The following FOXO1 variants were observed in gnomAD, a reference collection of about 807,000 sequenced individuals.
FOXO1 encodes the protein forkhead box protein O1.
In FOXO1, 6 loss-of-function variants were observed where a neutral mutation model predicts 44.1. The ratio of observed to expected loss-of-function variants is 0.14; its 90% CI spans 0.07 to 0.27. The LOEUF is 0.27. Among genes scored for constraint, FOXO1 ranks in the 10% least tolerant of loss-of-function variants. The probability of loss-of-function intolerance (pLI) is 1.00; values close to 1 mark genes in which losing one functional copy is unlikely to be tolerated. For synonymous variants in FOXO1, 380 were observed against 362.7 expected, an observed-to-expected ratio of 1.05 and a Z score of -0.54; for missense variants, 737 against 888.8, an observed-to-expected ratio of 0.83 and a Z score of 2.17.
At chr13:40,656,715 AAAC>A (rs1227513446) in intron 1 of FOXO1, among the ~76,000 whole-genome samples, 1 of 152,240 alleles carries the variant, frequency 6.6e-6, no homozygotes, top group African/African-American at 2.4e-5. Flanking sequence ...TATTTGGCAA[AAAC>A]AAAGATATCA....
At chr13:40,598,691 C>T (rs1246588490) in intron 1 of FOXO1, among the ~76,000 whole-genome samples, 1 of 152,142 alleles carries the variant, frequency 6.6e-6, no homozygotes, top group Non-Finnish European at 1.5e-5. Context: ...CTGAATACAC[C>T]CCCAGCTCTG....
intron 1 of FOXO1, among the ~76,000 whole-genome samples, chr13:40,625,267 C>G (rs1876748872): frequency 6.6e-6 from 1 of 152,168 alleles, no homozygotes; most frequent in African/African-American, 2.4e-5. Context: ...ATGACATGCA[C>G]AAATATACTA....
intron 1 of FOXO1, among the ~76,000 whole-genome samples, chr13:40,660,177 G>C (rs73469056): frequency 1.7e-4 from 26 of 152,272 alleles, no homozygotes; most frequent in East Asian, 1.2e-3. Context: ...ATCCTGGGGG[G>C]GCTGGGCAAG....
chr13:40,664,608 G>C (rs187889363), intron 1 of FOXO1, among the ~76,000 whole-genome samples: 1 of 152,116 alleles, frequency 6.6e-6, no homozygotes, highest in South Asian at 2.1e-4. Context: ...AGAATAGGGT[G>C]GCAAGGCAGG....
Position 40,558,833 on chromosome 13 carries a change from A to T in FOXO1, c.*216T>A, listed in dbSNP as rs1873859118. On this transcript the variant is annotated 3_prime_UTR_variant, in exon 3 of 3. Coordinates refer to ENST00000379561, the MANE Select transcript of FOXO1 (RefSeq NM_002015.4). The stretch of plus-strand genomic sequence containing the variant: ...TGGCACAGTCCTTATCTACAGCAGC[A>T]CATAACCTGCACACATTGGGCAAAC... 2 of 398,864 alleles carry T rather than the reference A, an allele frequency of 5.0e-6. No individual in the cohort carries two copies. Among genetic ancestry groups the T allele is most frequent in the Non-Finnish European group, 8.8e-6 (2 of 226,038 alleles). 24.7% of individuals were successfully genotyped at this position (398,864 alleles called of 1,614,324 possible).
In FOXO1 at chr13:40,560,423, G is replaced by A. The variant is rs1873954152; in HGVS notation, c.1068C>T (p.Ala356=). ...MVYPPSAAKM[A]STLPSLSEIS... ...TCTCAGACAGACTGGGTAAAGTAGA[G>A]GCCATCTTTGCGGCAGATGGCGGGT... is the stretch of plus-strand genomic sequence containing the variant. The change falls in exon 2 of 3, where the codon GCC becomes GCT. Residue 356 remains alanine, a synonymous_variant. Coordinates refer to ENST00000379561, the MANE Select transcript of FOXO1 (RefSeq NM_002015.4). The surrounding 1 kb of genome is among the most constrained non-coding windows in gnomAD (Gnocchi z 5.1). 6.2e-7 allele frequency: 1 copy of A among 1,614,134 alleles called. No individual in the cohort carries two copies. Among genetic ancestry groups the A allele is most frequent in the Non-Finnish European group, 8.5e-7 (1 of 1,180,028 alleles).
At chr13:40,594,989 A>T (rs533044312) in intron 1 of FOXO1, among the ~76,000 whole-genome samples, 5 of 152,310 alleles carry the variant, frequency 3.3e-5, no homozygotes, top group Non-Finnish European at 7.4e-5. Flanking sequence ...ACCAGCATAC[A>T]GTAGACTTTA....
intron 1 of FOXO1, among the ~76,000 whole-genome samples, chr13:40,582,222 T>TA (rs573597663): frequency 2.6e-5 from 4 of 152,188 alleles, no homozygotes; most frequent in African/African-American, 7.2e-5. Context: ...AGCCATATTT[T>TA]AAAAAAATAA....
At position 40,665,672 on chromosome 13, in the gene FOXO1, G is replaced by A; in HGVS notation, c.541C>T (p.Leu181Phe). 6.5e-7 allele frequency: 1 copy of A among 1,542,036 alleles called. No individual in the cohort carries two copies. The highest frequency in any genetic ancestry group is 8.8e-7 in the Non-Finnish European group (1 of 1,139,040). ...CACTCGTAGATCTGCGACAGCGTGAGCCGCTTCTCCGCCGAGCTCTCGATG... is the reference window on the plus strand; with the variant it reads ...CACTCGTAGATCTGCGACAGCGTGAACCGCTTCTCCGCCGAGCTCTCGATG... ...KAIESSAEKRLTLSQIYEWMV... is the reference protein window; with the variant it reads ...KAIESSAEKRFTLSQIYEWMV... Residue 181 changes from leucine (L) to phenylalanine (F), a missense_variant, in exon 1 of 3, where the codon CTC becomes TTC. Coordinates refer to ENST00000379561, the MANE Select transcript of FOXO1 (RefSeq NM_002015.4).
At chr13:40,628,884 C>T (rs927090472) in intron 1 of FOXO1, among the ~76,000 whole-genome samples, 8 of 152,208 alleles carry the variant, frequency 5.3e-5, no homozygotes, top group Admixed American at 2.0e-4. Context: ...AGTAACTGTA[C>T]TACTACAGAC....
intron 1 of FOXO1, among the ~76,000 whole-genome samples, chr13:40,647,499 G>A (rs1357918508): frequency 1.3e-5 from 2 of 152,144 alleles, no homozygotes; most frequent in Admixed American, 6.5e-5. Flanking sequence ...CCACTTCCTG[G>A]GTTCAAGCAA....
intron 1 of FOXO1, among the ~76,000 whole-genome samples, chr13:40,585,372 C>G (rs1015926990): frequency 1.3e-4 from 19 of 151,866 alleles, no homozygotes; most frequent in Admixed American, 1.2e-3. Flanking sequence ...CACACACACA[C>G]AGCCAACTTC....
chr13:40,619,168 T>C (rs1440253647), intron 1 of FOXO1, among the ~76,000 whole-genome samples: 1 of 151,968 alleles, frequency 6.6e-6, no homozygotes, highest in Non-Finnish European at 1.5e-5. Flanking sequence ...ATGCCTGTAA[T>C]ACCTAATCCC....
intron 1 of FOXO1, among the ~76,000 whole-genome samples, chr13:40,633,528 A>G (rs769612488): frequency 2.9e-4 from 44 of 152,370 alleles, no homozygotes; most frequent in South Asian, 1.2e-3. Flanking sequence ...AGGAGATCAC[A>G]TATTGTAAAA....
chr13:40,649,385 G>A (rs1253268650), intron 1 of FOXO1, among the ~76,000 whole-genome samples: 4 of 152,122 alleles, frequency 2.6e-5, no homozygotes, highest in Non-Finnish European at 5.9e-5. Context: ...GTATAAATGA[G>A]GCTTAATTGG....
At chr13:40,626,624 G>A (rs1876793668) in intron 1 of FOXO1, among the ~76,000 whole-genome samples, 1 of 152,160 alleles carries the variant, frequency 6.6e-6, no homozygotes, top group African/African-American at 2.4e-5. Flanking sequence ...TAACAAAGTT[G>A]GTAAGTTCCA....
At position 40,620,259 on chromosome 13, in the gene FOXO1, T is replaced by C. The variant is rs181893253; in HGVS notation, c.630+45324A>G. 211 of 1,401,022 alleles carry C rather than the reference T, an allele frequency of 1.5e-4. 2 individuals carry two copies. The East Asian group carries it at 2.0e-3, about 13-fold the overall frequency. The allele number at this position is 1,401,022 out of a possible 1,614,324, so 86.8% of individuals were successfully genotyped here. On this transcript the variant is annotated intron_variant, in intron 1 of 2. Coordinates refer to ENST00000379561, the MANE Select transcript of FOXO1 (RefSeq NM_002015.4). ...TGAGAAGGATCCATCCCGGAGAAAA[T>C]AGAGATCAGGACAGTATTGCAAACA...
intron 1 of FOXO1, among the ~76,000 whole-genome samples, chr13:40,643,688 T>C (rs972716620): frequency 2.0e-5 from 3 of 152,144 alleles, no homozygotes; most frequent in Non-Finnish European, 4.4e-5. Flanking sequence ...TCTGATCTTA[T>C]GTTTTTATGT....
chr13:40,620,858 G>C (rs1876587490), intron 1 of FOXO1, among the ~76,000 whole-genome samples: 2 of 143,618 alleles, frequency 1.4e-5, no homozygotes, highest in South Asian at 4.6e-4. Context: ...GAGTGCAGTG[G>C]TGCGATCTTG....
Sources: allele counts gnomAD v4.1 joint callset (sites outside exome capture counted in the v4.1 genomes callset), GRCh38; gene constraint gnomAD v4.1.1; non-coding constraint Gnocchi (gnomAD v3.1); transcripts MANE v1.5; gene names NCBI Gene and HGNC (gene_info 2026-07-23, HGNC 2026-07-21).